Variants in ARRDC3 observed in about 807,000 individuals in gnomAD.
ARRDC3 encodes arrestin domain containing 3.
A neutral mutation model predicts 47.2 loss-of-function variants in ARRDC3; 10 were observed. The observed-to-expected ratio is 0.21, with a 90% confidence interval of 0.13 to 0.36. The LOEUF is 0.36. Ranked by LOEUF, ARRDC3 falls within the 10% of genes least tolerant of loss-of-function variation. The probability of loss-of-function intolerance (pLI) is 1.00; values close to 1 mark genes in which losing one functional copy is unlikely to be tolerated. For synonymous variants in ARRDC3, 156 were observed against 178.3 expected, an observed-to-expected ratio of 0.87 and a Z score of 1.00; for missense variants, 381 against 503.6, an observed-to-expected ratio of 0.76 and a Z score of 2.33.
chr5:91,377,656 C>A (rs895672362), intron 2 of ARRDC3, among the ~76,000 whole-genome samples: 6 of 150,650 alleles, frequency 4.0e-5, no homozygotes, highest in African/African-American at 1.5e-4. Context: ...TAATAGTTAT[C>A]CAAAATTTAT....
intron 4 of ARRDC3, 59 bp from the exon 5 acceptor site, chr5:91,375,237 A>G: frequency 6.5e-7 from 1 of 1,530,092 alleles, no homozygotes; most frequent in Non-Finnish European, 8.8e-7. Flanking sequence ...AAAGAAGTCA[A>G]GATTCTTAAA....
rs1440661455 is a variant in ARRDC3, at chr5:91,381,658, T to TA, written c.280+1154dup. On this transcript the variant is annotated intron_variant, in intron 1 of 7. Transcript: ENST00000265138. ...TTCTCCAGGATGTACGTTTTTAATATAAAAAATAAGGTAAAATATGTCTCT... is the reference window on the plus strand; with the variant it reads ...TTCTCCAGGATGTACGTTTTTAATATAAAAAAATAAGGTAAAATATGTCTCT... Among the ~76,000 whole-genome samples the TA allele has an allele frequency of 2.6e-5, 4 of 152,308 alleles. No individual in the cohort carries two copies. The East Asian group carries it at 7.7e-4, about 29-fold the overall frequency.
Position 91,381,850 on chromosome 5 carries a change from G to A in ARRDC3, c.280+963C>T, listed in dbSNP as rs547266397. On this transcript the variant is annotated intron_variant, in intron 1 of 7. Transcript: ENST00000265138. ...CCAATCTGCTGAGAGCAGAACAAGC[G>A]CCCCTCCTCACCACCCCCCAGAACT... Among the ~76,000 whole-genome samples the A allele has an allele frequency of 5.3e-5, 8 of 152,188 alleles. No homozygotes were observed. In the East Asian group the frequency reaches 1.5e-3, roughly 29 times the overall value.
At chr5:91,376,319 A>G (rs988575616) in intron 3 of ARRDC3, among the ~76,000 whole-genome samples, 2 of 152,142 alleles carry the variant, frequency 1.3e-5, no homozygotes, top group Non-Finnish European at 1.5e-5. Context: ...CTTCCACTCA[A>G]ATCATCCAAG....
At chr5:91,373,627 G>A in intron 7 of ARRDC3, 57 bp downstream of exon 7, 1 of 1,503,482 alleles carries the variant, frequency 6.7e-7, no homozygotes, top group Non-Finnish European at 9.1e-7. Flanking sequence ...AAAAATGCCT[G>A]CAATGCTATT....
rs1463332549 is a variant in ARRDC3 at position 91,375,610 on chromosome 5, G to T, written c.514C>A (p.Pro172Thr). ...GTCTTTTCTTTTGTGCCTGCTTGGG[G>T]TGACTGTAAGAAAAAAATTAAGAGA... ...IDINTPSLLS[P>T]QAGTKEKTLC... Residue 172 changes from proline (P) to threonine (T), a missense_variant, in exon 4 of 8, where the codon CCC becomes ACC. Pro to Thr is a conservative substitution (Grantham distance 38). Coordinates refer to ENST00000265138, the MANE Select transcript of ARRDC3 (RefSeq NM_020801.4). 1.2e-6 allele frequency: 2 copies of T among 1,604,602 alleles called. No individual in the cohort carries two copies. Among genetic ancestry groups the T allele is most frequent in the East Asian group, 4.5e-5 (2 of 44,486 alleles).
chr5:91,375,064 A>T lies in ARRDC3; in HGVS notation c.728T>A (p.Val243Glu). 6.2e-7 allele frequency: 1 copy of T among 1,614,204 alleles called. No individual in the cohort carries two copies. Among genetic ancestry groups the T allele is most frequent in the Non-Finnish European group, 8.5e-7 (1 of 1,180,026 alleles). ...AFYAKGKMKEVKQLVANLRGE... is the reference protein window; with the variant it reads ...AFYAKGKMKEEKQLVANLRGE... ...ACGCAAGTTAGCCACAAGCTGTTTT[A>T]CTTCCTTCATTTTCCCTTTGGCATA... The change falls in exon 5 of 8, where the codon GTA becomes GAA. Residue 243 changes from valine to glutamate, a missense_variant. Coordinates refer to ENST00000265138, the MANE Select transcript of ARRDC3 (RefSeq NM_020801.4).
At chr5:91,378,362 T>C (rs573690579) in intron 2 of ARRDC3, among the ~76,000 whole-genome samples, 1 of 152,254 alleles carries the variant, frequency 6.6e-6, no homozygotes, top group Admixed American at 6.5e-5. Flanking sequence ...TCTTTTCTCA[T>C]AATGATAATT....
chr5:91,380,623 A>G (rs1799431167), intron 1 of ARRDC3: 1 of 152,234 alleles, frequency 6.6e-6, no homozygotes, highest in African/African-American at 2.4e-5. Flanking sequence ...GTCGGGGAAC[A>G]AGCTTTGTTT....
chr5:91,374,911 T>C lies in ARRDC3; in HGVS notation c.870+11A>G. The C allele has an allele frequency of 6.2e-7, 1 of 1,611,734 alleles. No homozygotes were observed. The highest frequency in any genetic ancestry group is 8.5e-7 in the Non-Finnish European group (1 of 1,178,168). ...AAAAGAAAGGAAAAAACCTCTTAAA[T>C]GTGTACATACCATTAGTGAATATTC... On this transcript the variant is annotated intron_variant, in intron 5 of 7. Coordinates refer to ENST00000265138, the MANE Select transcript of ARRDC3 (RefSeq NM_020801.4).
chr5:91,383,011 C>T lies in ARRDC3; in HGVS notation c.82G>A (p.Asp28Asn). ...AAATTTACCCTTCCTGAGACGGTAT[C>T]CCCACTAGAATACACAGGGACATTG... ...DSNVPVYSSGDTVSGRVNLEV... is the reference protein window; with the variant it reads ...DSNVPVYSSGNTVSGRVNLEV... The change falls in exon 1 of 8, where the codon GAT becomes AAT. Residue 28 changes from aspartate to asparagine, a missense_variant. By Grantham distance (23) the Asp-to-Asn change is conservative. Coordinates refer to ENST00000265138, the MANE Select transcript of ARRDC3 (RefSeq NM_020801.4). The T allele has an allele frequency of 6.2e-7, 1 of 1,613,968 alleles. No homozygotes were observed. The highest frequency in any genetic ancestry group is 8.5e-7 in the Non-Finnish European group (1 of 1,179,904).
At position 91,373,788 on chromosome 5, in the gene ARRDC3, G is replaced by C; in HGVS notation, c.1084C>G (p.Leu362Val). Reference sequence around the variant, plus strand: ...TCATCACAAGCACTCACTGGTGCAAGATTGTTCCGCCTTTGTTCCTCTGTT... The same window carrying C: ...TCATCACAAGCACTCACTGGTGCAACATTGTTCCGCCTTTGTTCCTCTGTT... ...VVTEEQRRNN[L>V]APVSACDDFE... Residue 362 changes from leucine to valine, a missense_variant, in exon 7 of 8, where the codon CTT (leucine) becomes GTT (valine). Leu to Val is a conservative substitution (Grantham distance 32, BLOSUM62 1). Transcript: ENST00000265138. 1 of 1,614,110 alleles carries C rather than the reference G, an allele frequency of 6.2e-7. No homozygotes were observed. The highest frequency in any genetic ancestry group is 8.5e-7 in the Non-Finnish European group (1 of 1,179,962).
intron 2 of ARRDC3, 34 bp downstream of exon 2, chr5:91,378,660 A>G (rs985153886): frequency 3.5e-6 from 4 of 1,131,322 alleles, no homozygotes; most frequent in Non-Finnish European, 5.2e-6. Flanking sequence ...GATCATAAGT[A>G]TCTATAAAAA....
At chr5:91,375,479 A>G in intron 4 of ARRDC3, 32 bp downstream of exon 4, 1 of 1,483,846 alleles carries the variant, frequency 6.7e-7, no homozygotes, top group Non-Finnish European at 9.2e-7. Flanking sequence ...AAGTGAAGAA[A>G]AGTTTTTTGT....
In ARRDC3 at chr5:91,373,941, T is replaced by C; in HGVS notation, c.1034-103A>G. 11 of 1,516,468 alleles carry C rather than the reference T, an allele frequency of 7.3e-6. No individual in the cohort carries two copies. The South Asian group carries it at 8.4e-5, about 12-fold the overall frequency. The allele number at this position is 1,516,468 out of a possible 1,614,324, so 93.9% of individuals were successfully genotyped here. A position where few individuals can be genotyped will look rare whatever the true frequency, so the allele number is the denominator to read the frequency against. On this transcript the variant is annotated intron_variant, in intron 6 of 7. Transcript: ENST00000265138. ...AAGCAACGTCAAGGTAAAATAATTA[T>C]TGTTTGGTGATCAAAACTATGAAGA...
Position 91,378,805 on chromosome 5 carries a change from A to AT in ARRDC3, c.281-31dup, listed in dbSNP as rs566525954. On this transcript the variant is annotated intron_variant, in intron 1 of 7. Coordinates refer to ENST00000265138, the MANE Select transcript of ARRDC3 (RefSeq NM_020801.4). ...AACAAACATAAAAAGAAAACAAAGA[A>AT]TTTATTATTCAACATTTACATACTC... The AT allele has an allele frequency of 5.5e-5, 79 of 1,449,418 alleles. No homozygotes were observed. The East Asian group carries it at 1.6e-3, about 29-fold the overall frequency. 89.8% of individuals were successfully genotyped at this position (1,449,418 alleles called of 1,614,324 possible).
intron 6 of ARRDC3, 126 bp downstream of exon 6, chr5:91,373,988 T>C: frequency 2.8e-6 from 4 of 1,411,756 alleles, no homozygotes; most frequent in Non-Finnish European, 3.9e-6. Context: ...AACTGAATAT[T>C]AGGGGCACAT....
chr5:91,377,574 T>C (rs1799334086), intron 2 of ARRDC3, among the ~76,000 whole-genome samples: 1 of 148,534 alleles, frequency 6.7e-6, no homozygotes, highest in Non-Finnish European at 1.5e-5. Flanking sequence ...TTTCATAATT[T>C]TTTTTTTTTT....
Position 91,369,736 on chromosome 5 carries a change from G to A in ARRDC3, c.*1664C>T, listed in dbSNP as rs1799125538. 1 of 152,028 alleles carries A rather than the reference G, an allele frequency of 6.6e-6. No individual in the cohort carries two copies. Among genetic ancestry groups the A allele is most frequent in the Non-Finnish European group, 1.5e-5 (1 of 68,020 alleles). The allele number at this position is 152,028 out of a possible 1,614,324, so 9.4% of individuals were successfully genotyped here. ...ATGCTGGTTTTCTTTAAAAACATCA[G>A]AGCTGAATTCCTTCTAAAATACAAC... On this transcript the variant is annotated 3_prime_UTR_variant, in exon 8 of 8. Coordinates refer to ENST00000265138, the MANE Select transcript of ARRDC3 (RefSeq NM_020801.4).
Sources: gnomAD v4.1 joint callset for allele counts (sites outside exome capture counted in the v4.1 genomes callset) on GRCh38, gnomAD v4.1.1 for gene constraint, MANE v1.5 for transcripts, NCBI Gene and HGNC (gene_info 2026-07-23, HGNC 2026-07-21) for gene names.